RBMS3: variants seen among roughly 807,000 people sequenced by gnomAD.
RBMS3 encodes the protein RNA binding motif single stranded interacting protein 3, also known as RNA-binding motif, single-stranded-interacting protein 3.
Under a neutral mutation model 66.8 loss-of-function variants are expected in RBMS3, and 27 were observed. That is an observed-to-expected ratio of 0.40 (90% CI 0.30 to 0.56). RBMS3 has a LOEUF of 0.56. Ranked by LOEUF, RBMS3 falls within the 20% of genes least tolerant of loss-of-function variation. The pLI is 0.40. For synonymous variants in RBMS3, 188 were observed against 183.0 expected (o/e 1.03, Z -0.22); for missense variants, 513 against 549.5 (o/e 0.93, Z 0.66).
chr3:29,351,470 A>T (rs1341355463), intron 1 of RBMS3, among the ~76,000 whole-genome samples: 1 of 152,166 alleles, frequency 6.6e-6, no homozygotes, highest in Non-Finnish European at 1.5e-5. Flanking sequence ...TGAAAAACAC[A>T]ATCTCTTAAT....
intron 4 of RBMS3, among the ~76,000 whole-genome samples, chr3:29,700,078 C>T (rs1006455784): frequency 1.3e-5 from 2 of 152,110 alleles, no homozygotes; most frequent in Non-Finnish European, 2.9e-5. Context: ...GGTAGATGCT[C>T]GGTTTAGGCT....
intron 3 of RBMS3, among the ~76,000 whole-genome samples, chr3:29,543,762 C>A (rs950002252): frequency 2.0e-5 from 3 of 152,060 alleles, no homozygotes; most frequent in Non-Finnish European, 2.9e-5. Context: ...TGCTTTGTCA[C>A]AGAAAATGTC....
chr3:29,668,418 G>A (rs79230286), intron 4 of RBMS3, among the ~76,000 whole-genome samples: 5,466 of 152,264 alleles, frequency 0.036, 318 homozygotes, highest in African/African-American at 0.12. Flanking sequence ...ATTTTGGTCA[G>A]CAGTGCTAGA....
chr3:29,661,688 C>T lies in RBMS3; in HGVS notation c.399+74483C>T, dbSNP rs138633475. Among the ~76,000 whole-genome samples the T allele has an allele frequency of 1.2e-3, 175 of 152,136 alleles. 1 individual carries two copies. In the East Asian group the frequency reaches 0.026, roughly 23 times the overall value. On this transcript the variant is annotated intron_variant, in intron 4 of 14. Coordinates refer to ENST00000383767, the MANE Select transcript of RBMS3 (RefSeq NM_001003793.3). ...CTTTTGAATATTCATTTTTTCTTATCTTCCTTCAAAGTACGCTTATCTTTA... is the reference window on the plus strand; with the variant it reads ...CTTTTGAATATTCATTTTTTCTTATTTTCCTTCAAAGTACGCTTATCTTTA...
At chr3:29,772,627 G>A (rs977498642) in intron 6 of RBMS3, among the ~76,000 whole-genome samples, 9 of 152,072 alleles carry the variant, frequency 5.9e-5, no homozygotes, top group East Asian at 1.9e-4. Flanking sequence ...ATTTACAGCC[G>A]AGGAGCAGCA....
chr3:29,379,332 TAAG>T (rs1470790134), intron 1 of RBMS3, among the ~76,000 whole-genome samples: 2 of 152,292 alleles, frequency 1.3e-5, no homozygotes, highest in African/African-American at 2.4e-5. Flanking sequence ...TTTAAGTTGA[TAAG>T]AAGTTAGAGT....
chr3:29,405,704 C>A (rs1212656616), intron 1 of RBMS3, among the ~76,000 whole-genome samples: 2 of 152,150 alleles, frequency 1.3e-5, no homozygotes, highest in East Asian at 1.9e-4. Context: ...CTACCTGCTT[C>A]ATTTCTCACC....
chr3:29,530,166 C>G (rs1269185077), intron 3 of RBMS3, among the ~76,000 whole-genome samples: 1 of 152,180 alleles, frequency 6.6e-6, no homozygotes, highest in East Asian at 1.9e-4. Flanking sequence ...ATAGCCGGAT[C>G]CAGAGCCTTT....
chr3:29,389,767 A>G (rs2039194941), intron 1 of RBMS3, among the ~76,000 whole-genome samples: 2 of 152,176 alleles, frequency 1.3e-5, no homozygotes, highest in African/African-American at 4.8e-5. Context: ...GGCAGTCTTT[A>G]TTCTTGTTCA....
chr3:29,920,159 A>G (rs2060735093), intron 10 of RBMS3, among the ~76,000 whole-genome samples: 4 of 152,172 alleles, frequency 2.6e-5, no homozygotes, highest in Admixed American at 6.5e-5. Context: ...TGGGGTTATA[A>G]TCAAACCAGA....
intron 4 of RBMS3, among the ~76,000 whole-genome samples, chr3:29,607,121 A>G (rs928907208): frequency 7.9e-5 from 12 of 152,002 alleles, no homozygotes; most frequent in African/African-American, 2.9e-4. Context: ...TGTATTGGGT[A>G]CATTTTAAAT....
intron 4 of RBMS3, among the ~76,000 whole-genome samples, chr3:29,708,095 C>G (rs1171050747): frequency 6.6e-6 from 1 of 152,176 alleles, no homozygotes; most frequent in Non-Finnish European, 1.5e-5. Flanking sequence ...ATTAAAGCCC[C>G]TGCTGATTGA....
At chr3:29,990,457 A>G (rs1233607023) in intron 13 of RBMS3, among the ~76,000 whole-genome samples, 3 of 95,744 alleles carry the variant, frequency 3.1e-5, no homozygotes, top group Admixed American at 1.3e-4. Flanking sequence ...CATCTGTGAG[A>G]AACAAAAAAA....
intron 4 of RBMS3, among the ~76,000 whole-genome samples, chr3:29,617,490 G>C (rs1046645772): frequency 1.3e-5 from 2 of 152,154 alleles, no homozygotes; most frequent in Admixed American, 6.5e-5. Context: ...CATGAGGAAG[G>C]CTTCTGGGTT....
intron 1 of RBMS3, among the ~76,000 whole-genome samples, chr3:29,392,628 T>G (rs564229683): frequency 6.6e-6 from 1 of 152,212 alleles, no homozygotes; most frequent in Non-Finnish European, 1.5e-5. Context: ...ATAATATTTT[T>G]CTCTGGAATT....
At chr3:29,520,863 A>G (rs1456112886) in intron 3 of RBMS3, among the ~76,000 whole-genome samples, 2 of 152,118 alleles carry the variant, frequency 1.3e-5, no homozygotes, top group Non-Finnish European at 2.9e-5. Flanking sequence ...CTAATTTGGA[A>G]GGAATCTCAA....
chr3:29,313,532 T>C (rs1241508488), intron 1 of RBMS3, among the ~76,000 whole-genome samples: 2 of 151,660 alleles, frequency 1.3e-5, no homozygotes, highest in Non-Finnish European at 1.5e-5. Context: ...CATGATTTAT[T>C]TGCAACAGTA....
At chr3:29,852,226 A>C (rs1387246290) in intron 6 of RBMS3, among the ~76,000 whole-genome samples, 1 of 152,098 alleles carries the variant, frequency 6.6e-6, no homozygotes, top group Non-Finnish European at 1.5e-5. Context: ...ACAACCTAGG[A>C]AATGCCATTG....
chr3:29,368,365 G>A (rs529337879), intron 1 of RBMS3, among the ~76,000 whole-genome samples: 68 of 152,198 alleles, frequency 4.5e-4, no homozygotes, highest in Non-Finnish European at 9.3e-4. Flanking sequence ...AGTGAAACAG[G>A]TTGATCTATA....
Sources: allele counts gnomAD v4.1 joint callset (sites outside exome capture counted in the v4.1 genomes callset), GRCh38; gene constraint gnomAD v4.1.1; transcripts MANE v1.5; gene names NCBI Gene and HGNC (gene_info 2026-07-23, HGNC 2026-07-21).